The following ANKFN1 variants were observed in gnomAD, a reference collection of about 807,000 sequenced individuals.
The protein encoded by ANKFN1 is ankyrin repeat and fibronectin type III domain containing 1, also known as ankyrin repeat and fibronectin type-III domain-containing protein 1.
In ANKFN1, 74 loss-of-function variants were observed where a neutral mutation model predicts 108.7. That is an observed-to-expected ratio of 0.68 (90% CI 0.56 to 0.83). The LOEUF (loss-of-function observed/expected upper bound fraction) is 0.83. Among genes scored for constraint, ANKFN1 ranks in the 40% least tolerant of loss-of-function variants. The pLI is 0.00. For missense variants in ANKFN1, 1,505 were observed against 1,382.3 expected (o/e 1.09, Z -1.41); for synonymous variants, 547 against 516.2 (o/e 1.06, Z -0.81).
At chr17:56,384,353 C>G (rs1257644307) in intron 8 of ANKFN1, among the ~76,000 whole-genome samples, 1 of 152,126 alleles carries the variant, frequency 6.6e-6, no homozygotes, top group African/African-American at 2.4e-5. Flanking sequence ...CTATCTATGA[C>G]AAACCCACAG....
At chr17:56,233,989 C>T (rs1490665576) in intron 3 of ANKFN1, among the ~76,000 whole-genome samples, 1 of 152,136 alleles carries the variant, frequency 6.6e-6, no homozygotes, top group Non-Finnish European at 1.5e-5. Context: ...CCTCAAATTT[C>T]CATGTTACTC....
At chr17:56,285,101 T>C (rs1012922346) in intron 3 of ANKFN1, among the ~76,000 whole-genome samples, 16 of 152,222 alleles carry the variant, frequency 1.1e-4, no homozygotes, top group Non-Finnish European at 2.9e-5. Flanking sequence ...TGGAGAAATC[T>C]ACAACTACAA....
rs531791882 is a variant in ANKFN1, at chr17:56,193,326, G to A, written c.-70-19272G>A. ...TAGATGACGAGTTAGTGGGTGCAGC[G>A]CACCAGCATGGCACATGTATACATA... On this transcript the variant is annotated intron_variant, in intron 1 of 20. Coordinates refer to ENST00000682825, the MANE Select transcript of ANKFN1 (RefSeq NM_001370326.1). Among the ~76,000 whole-genome samples the A allele has an allele frequency of 9.0e-3, 1,308 of 145,122 alleles. 6 individuals carry two copies. The highest frequency in any genetic ancestry group is 0.015 in the Non-Finnish European group (994 of 66,498).
chr17:56,349,299 A>T (rs979270259), intron 4 of ANKFN1, among the ~76,000 whole-genome samples: 1 of 152,118 alleles, frequency 6.6e-6, no homozygotes, highest in Non-Finnish European at 1.5e-5. Context: ...TACCTAGGTA[A>T]ACGGATAATC....
At chr17:56,266,882 GTGTTTTTGTTTT>G (rs112955867) in intron 3 of ANKFN1, among the ~76,000 whole-genome samples, 1 of 152,078 alleles carries the variant, frequency 6.6e-6, no homozygotes, top group Non-Finnish European at 1.5e-5. Context: ...GTTTAGAGGA[GTGTTTTTGTTTT>G]TGTTTTTGTT....
chr17:56,464,267 A>G (rs1225767989), intron 14 of ANKFN1, among the ~76,000 whole-genome samples: 1 of 152,210 alleles, frequency 6.6e-6, no homozygotes, highest in Non-Finnish European at 1.5e-5. Context: ...AACCACTGAT[A>G]ATAACTTTGT....
chr17:56,214,442 G>A (rs910968658), intron 2 of ANKFN1, among the ~76,000 whole-genome samples: 1 of 152,186 alleles, frequency 6.6e-6, no homozygotes, highest in African/African-American at 2.4e-5. Flanking sequence ...CCAGGAGTGT[G>A]GCCTGAGATA....
chr17:56,283,099 A>G (rs1219353379), intron 3 of ANKFN1, among the ~76,000 whole-genome samples: 1 of 152,196 alleles, frequency 6.6e-6, no homozygotes, highest in Non-Finnish European at 1.5e-5. Flanking sequence ...CTCAATAGGT[A>G]GTTTTTCAAT....
chr17:56,210,817 A>G (rs913942972), intron 1 of ANKFN1, among the ~76,000 whole-genome samples: 1 of 152,176 alleles, frequency 6.6e-6, no homozygotes, highest in Admixed American at 6.5e-5. Context: ...GACACTTATA[A>G]ACCCATCAGA....
At chr17:56,390,714 T>C (rs2047402599) in intron 8 of ANKFN1, among the ~76,000 whole-genome samples, 1 of 152,200 alleles carries the variant, frequency 6.6e-6, no homozygotes, top group Non-Finnish European at 1.5e-5. Context: ...ATCTGTTGTT[T>C]CCTGACTTTT....
At chr17:56,463,524 A>G (rs1240013647) in intron 14 of ANKFN1, among the ~76,000 whole-genome samples, 1 of 152,238 alleles carries the variant, frequency 6.6e-6, no homozygotes, top group Non-Finnish European at 1.5e-5. Context: ...AAAAAAATTA[A>G]GATGAGAAAT....
intron 3 of ANKFN1, among the ~76,000 whole-genome samples, chr17:56,309,233 G>A (rs1053287506): frequency 6.6e-6 from 1 of 152,064 alleles, no homozygotes; most frequent in African/African-American, 2.4e-5. Flanking sequence ...TTCCTTAATG[G>A]TTAAAAGACA....
intron 5 of ANKFN1, 37 bp downstream of exon 5, chr17:56,351,004 T>G: frequency 3.1e-6 from 5 of 1,591,374 alleles, no homozygotes; most frequent in East Asian, 2.3e-5. Context: ...TCAGTTTGAT[T>G]TATTCATTTA....
At chr17:56,085,294 C>G (rs1460160462) in intron 4 of ANKFN1, among the ~76,000 whole-genome samples, 1 of 149,682 alleles carries the variant, frequency 6.7e-6, no homozygotes, top group Non-Finnish European at 1.5e-5. Flanking sequence ...ATGAGGTGAT[C>G]GTAGATTACC....
chr17:56,068,842 G>T (rs191725347), intron 4 of ANKFN1, among the ~76,000 whole-genome samples: 1 of 152,282 alleles, frequency 6.6e-6, no homozygotes, highest in Admixed American at 6.5e-5. Flanking sequence ...TAGAGAGTAG[G>T]TGTTAAATAC....
intron 4 of ANKFN1, among the ~76,000 whole-genome samples, chr17:56,079,962 T>C (rs1289300707): frequency 6.6e-6 from 1 of 151,952 alleles, no homozygotes; most frequent in Admixed American, 6.6e-5. Flanking sequence ...ACAAAGTAAC[T>C]CAGAGGAAAG....
chr17:56,064,482 A>C (rs916352434), intron 4 of ANKFN1, among the ~76,000 whole-genome samples: 1 of 152,310 alleles, frequency 6.6e-6, no homozygotes, highest in African/African-American at 2.4e-5. Context: ...AGGATGAGCC[A>C]GGGTCAGGCC....
intron 4 of ANKFN1, among the ~76,000 whole-genome samples, chr17:56,130,911 T>C (rs181058996): frequency 8.6e-5 from 13 of 151,172 alleles, no homozygotes; most frequent in Non-Finnish European, 1.6e-4. Flanking sequence ...CTGATCTGGG[T>C]GTTTGTCAGG....
At chr17:56,414,911 T>A (rs1430180072) in intron 8 of ANKFN1, among the ~76,000 whole-genome samples, 1 of 152,070 alleles carries the variant, frequency 6.6e-6, no homozygotes, top group East Asian at 1.9e-4. Context: ...TCCCAGCTAC[T>A]CTGGGGTCTG....
Sources: allele counts gnomAD v4.1 joint callset (sites outside exome capture counted in the v4.1 genomes callset), GRCh38; gene constraint gnomAD v4.1.1; transcripts MANE v1.5; gene names NCBI Gene and HGNC (gene_info 2026-07-23, HGNC 2026-07-21).